Variants in NINJ2 observed in about 807,000 individuals in gnomAD.
NINJ2 encodes ninjurin 2, also known as ninjurin-2.
Under a neutral mutation model 11.7 loss-of-function variants are expected in NINJ2, and 12 were observed. The observed-to-expected ratio is 1.02, with a 90% CI of 0.66 to 1.66. NINJ2 has a LOEUF of 1.66. Among genes scored for constraint, NINJ2 ranks in the 40% most tolerant of loss-of-function variants. The probability of loss-of-function intolerance (pLI) is 0.00; values close to 1 mark genes in which losing one functional copy is unlikely to be tolerated. For missense variants in NINJ2, 187 were observed against 181.8 expected (o/e 1.03, Z -0.16); for synonymous variants, 93 against 76.8 (o/e 1.21, Z -1.10).
At position 614,831 on chromosome 12, in the gene NINJ2, C is replaced by A. The variant is rs1162642580; in HGVS notation, c.33+48497G>T. Among the ~76,000 whole-genome samples the A allele has an allele frequency of 6.6e-6, 1 of 152,028 alleles. No homozygotes were observed. The highest frequency in any genetic ancestry group is 1.5e-5 in the Non-Finnish European group (1 of 68,030). The stretch of plus-strand genomic sequence containing the variant: ...CTAGGGGCAAGACCATGTCTTCACA[C>A]GTCGGGCAGCGTGCATTGTCAGCGC... On this transcript the variant is annotated intron_variant, in intron 1 of 3. Coordinates refer to ENST00000305108, the MANE Select transcript of NINJ2 (RefSeq NM_016533.6). This position sits in a 1 kb window ranked among gnomAD's most constrained non-coding sequence, Gnocchi z 5.1.
At chr12:629,615 T>C (rs1488392316) in intron 1 of NINJ2, among the ~76,000 whole-genome samples, 3 of 151,924 alleles carry the variant, frequency 2.0e-5, no homozygotes, top group Non-Finnish European at 4.4e-5. Flanking sequence ...TGGTTGGGCA[T>C]GGTGGCTCAC....
chr12:625,316 T>A (rs1948200937), intron 1 of NINJ2, among the ~76,000 whole-genome samples: 1 of 152,036 alleles, frequency 6.6e-6, no homozygotes. Context: ...AGCAAATAGT[T>A]CTATTTGGCA....
chr12:564,763 C>T (rs1947268121), intron 3 of NINJ2, 82 bp from the exon 4 acceptor site: 1 of 152,816 alleles, frequency 6.5e-6, no homozygotes, highest in South Asian at 2.1e-4. Context: ...CAGGATGCAC[C>T]TGGCCACGTT....
At chr12:596,400 T>C (rs961947836) in intron 1 of NINJ2, among the ~76,000 whole-genome samples, 1 of 152,148 alleles carries the variant, frequency 6.6e-6, no homozygotes, top group African/African-American at 2.4e-5. Flanking sequence ...CGCAGCTTCA[T>C]TAGCTGCAAC....
intron 1 of NINJ2, chr12:645,853 TTA>T (rs1937668517): frequency 6.6e-6 from 1 of 152,178 alleles, no homozygotes; most frequent in Admixed American, 6.5e-5. Context: ...ATTTTCCTTA[TTA>T]AAGAGCTTGT....
chr12:592,131 C>G (rs1372372917), intron 1 of NINJ2, among the ~76,000 whole-genome samples: 1 of 152,142 alleles, frequency 6.6e-6, no homozygotes, highest in Non-Finnish European at 1.5e-5. Context: ...TTACTGCCTG[C>G]TGCTAGGTGA....
intron 1 of NINJ2, among the ~76,000 whole-genome samples, chr12:571,959 C>T (rs1362705566): frequency 6.6e-6 from 1 of 152,288 alleles, no homozygotes; most frequent in East Asian, 1.9e-4. Flanking sequence ...CTGTGGCAGG[C>T]AGTGTGTGTC....
intron 1 of NINJ2, among the ~76,000 whole-genome samples, chr12:600,734 G>A (rs2120904212): frequency 6.6e-6 from 1 of 151,316 alleles, no homozygotes; most frequent in South Asian, 2.1e-4. Context: ...CCAGGCTGGA[G>A]TGCATGGTGT....
At chr12:610,520 G>T (rs919736140) in intron 1 of NINJ2, 1 of 1,498,586 alleles carries the variant, frequency 6.7e-7, no homozygotes, top group Non-Finnish European at 8.9e-7. Flanking sequence ...ACAGCGGCCA[G>T]CCCAGGGCCC....
chr12:650,314 TCAGGTGATGTAC>T (rs1433028913), intron 1 of NINJ2, among the ~76,000 whole-genome samples: 1 of 151,334 alleles, frequency 6.6e-6, no homozygotes, highest in South Asian at 2.1e-4. Flanking sequence ...CAAAGTGAGC[TCAGGTGATGTAC>T]CAGGTGATGT....
chr12:581,957 T>A lies in NINJ2; in HGVS notation c.34-15779A>T, dbSNP rs1947561995. Among the ~76,000 whole-genome samples the A allele has an allele frequency of 6.6e-6, 1 of 152,122 alleles. No individual in the cohort carries two copies. The highest frequency in any genetic ancestry group is 2.1e-4 in the South Asian group (1 of 4,822). ...AAGCCCAGCCCTGGAGGGATTCCAA[T>A]CCACAGCCTCTCCCTGGCTCCCTGC... On this transcript the variant is annotated intron_variant, in intron 1 of 3. Coordinates refer to ENST00000305108, the MANE Select transcript of NINJ2 (RefSeq NM_016533.6). The surrounding 1 kb of genome is among the most constrained non-coding windows in gnomAD (Gnocchi z 4.9).
Position 633,304 on chromosome 12 carries a change from C to T in NINJ2, c.33+30024G>A, listed in dbSNP as rs904504383. On this transcript the variant is annotated intron_variant, in intron 1 of 3. Coordinates refer to ENST00000305108, the MANE Select transcript of NINJ2 (RefSeq NM_016533.6). The surrounding 1 kb of genome is among the most constrained non-coding windows in gnomAD (Gnocchi z 4.3). Reference sequence around the variant, plus strand: ...CCTGAAGTCAGCAGTTCAAGACCAACTTGGCCAACATGGTGAAACCCTGTC... The same window carrying T: ...CCTGAAGTCAGCAGTTCAAGACCAATTTGGCCAACATGGTGAAACCCTGTC... Among the ~76,000 whole-genome samples the T allele has an allele frequency of 4.6e-5, 7 of 152,234 alleles. No homozygotes were observed. Among genetic ancestry groups the T allele is most frequent in the Non-Finnish European group, 8.8e-5 (6 of 68,014 alleles).
chr12:574,724 A>G (rs1947429753), intron 1 of NINJ2, among the ~76,000 whole-genome samples: 1 of 152,166 alleles, frequency 6.6e-6, no homozygotes, highest in South Asian at 2.1e-4. Context: ...TTTATAAATC[A>G]CCCAGTCTCA....
intron 1 of NINJ2, chr12:643,583 C>T (rs1412657381): frequency 2.0e-6 from 2 of 988,110 alleles, no homozygotes; most frequent in Non-Finnish European, 2.4e-6. Context: ...GATGAGGAAA[C>T]CGAGGCTCGG....
intron 1 of NINJ2, among the ~76,000 whole-genome samples, chr12:613,908 AAAT>A (rs1479112168): frequency 6.6e-6 from 1 of 152,102 alleles, no homozygotes; most frequent in Non-Finnish European, 1.5e-5. Flanking sequence ...TTGTCTCAAA[AAAT>A]AATAATAATA....
chr12:660,931 A>G (rs138326780), intron 1 of NINJ2, among the ~76,000 whole-genome samples: 6 of 152,126 alleles, frequency 3.9e-5, no homozygotes, highest in Non-Finnish European at 7.4e-5. Context: ...ACTACACTCC[A>G]CCCTAGGCGA....
chr12:581,399 C>A lies in NINJ2; in HGVS notation c.34-15221G>T, dbSNP rs1348451179. Among the ~76,000 whole-genome samples the A allele has an allele frequency of 6.6e-6, 1 of 152,150 alleles. No homozygotes were observed. The highest frequency in any genetic ancestry group is 1.5e-5 in the Non-Finnish European group (1 of 68,024). ...AAGCCGCTCCTGATTGGTGGGCCAG[C>A]CTGAATCTGCTGCGCCTGCCAGCTT... On this transcript the variant is annotated intron_variant, in intron 1 of 3. Coordinates refer to ENST00000305108, the MANE Select transcript of NINJ2 (RefSeq NM_016533.6). The surrounding 1 kb of genome is among the most constrained non-coding windows in gnomAD (Gnocchi z 4.9).
chr12:596,071 G>A (rs558284174), intron 1 of NINJ2, among the ~76,000 whole-genome samples: 1 of 152,312 alleles, frequency 6.6e-6, no homozygotes, highest in South Asian at 2.1e-4. Context: ...AATGCAAAAT[G>A]GTACAGCCAC....
At position 585,971 on chromosome 12, in the gene NINJ2, C is replaced by A. The variant is rs1461153318; in HGVS notation, c.34-19793G>T. On this transcript the variant is annotated intron_variant, in intron 1 of 3. Transcript: ENST00000305108. This position sits in a 1 kb window ranked among gnomAD's most constrained non-coding sequence, Gnocchi z 4.1. The stretch of plus-strand genomic sequence containing the variant: ...TTCTGGTAATCACAGAAGCTCTGCG[C>A]TGGGAACCAGTACCCTAACAGAGGA... 2 of 152,132 alleles carry A rather than the reference C, an allele frequency of 1.3e-5. No homozygotes were observed. The highest frequency in any genetic ancestry group is 4.8e-5 in the African/African-American group (2 of 41,426). 9.4% of individuals were successfully genotyped at this position (152,132 alleles called of 1,614,324 possible).
Sources: gnomAD v4.1 joint callset for allele counts (sites outside exome capture counted in the v4.1 genomes callset) on GRCh38, gnomAD v4.1.1 for gene constraint, Gnocchi (gnomAD v3.1) non-coding constraint, MANE v1.5 for transcripts, NCBI Gene and HGNC (gene_info 2026-07-23, HGNC 2026-07-21) for gene names.